The following FRMD3 variants were observed in gnomAD, a reference collection of about 807,000 sequenced individuals.
FRMD3 encodes FERM domain-containing protein 3.
In FRMD3, 33 loss-of-function variants were observed where a neutral mutation model predicts 70.2. The observed-to-expected ratio is 0.47, with a 90% CI of 0.36 to 0.63. The LOEUF (loss-of-function observed/expected upper bound fraction) is 0.63, where lower values mean the gene tolerates loss of function less well. FRMD3 is among the 20% of genes least tolerant of loss of function. The probability of loss-of-function intolerance (pLI) is 0.00; values close to 1 mark genes in which losing one functional copy is unlikely to be tolerated. For synonymous variants in FRMD3, 279 were observed against 255.9 expected (o/e 1.09, Z -0.86); for missense variants, 632 against 711.4 (o/e 0.89, Z 1.27).
At chr9:83,248,563 C>T (rs771398695) in intron 13 of FRMD3, 47 bp from the exon 14 acceptor site, 1 of 1,513,026 alleles carries the variant, frequency 6.6e-7, no homozygotes, top group South Asian at 1.3e-5. Flanking sequence ...TCAGATTTTC[C>T]CACAAAAATC....
intron 5 of FRMD3, among the ~76,000 whole-genome samples, chr9:83,335,938 C>T (rs532403363): frequency 1.4e-4 from 22 of 152,170 alleles, no homozygotes; most frequent in Admixed American, 3.9e-4. Context: ...GAGGGCTGAA[C>T]AATTTTATTA....
At position 83,248,063 on chromosome 9, in the gene FRMD3, A is replaced by G; in HGVS notation, c.1649T>C (p.Leu550Ser). 1.2e-6 allele frequency: 2 copies of G among 1,614,162 alleles called. No individual in the cohort carries two copies. The highest frequency in any genetic ancestry group is 1.7e-6 in the Non-Finnish European group (2 of 1,180,044). The change falls in exon 14 of 14, where the codon TTG (leucine) becomes TCG (serine). Residue 550 changes from leucine to serine, a missense_variant. By Grantham distance (145) the Leu-to-Ser change is moderately radical. Coordinates refer to ENST00000304195, the MANE Select transcript of FRMD3 (RefSeq NM_174938.6). The stretch of plus-strand genomic sequence containing the variant: ...GAAGGAGAGATCAATACCTGACTCC[A>G]AAAGGAGGAGGAGCAGGGGAAATAC... ...LFVFPLLLLL[L>S]ESGIDLSFLC...
intron 1 of FRMD3, among the ~76,000 whole-genome samples, chr9:83,449,569 A>T (rs1587863644): frequency 6.6e-6 from 1 of 152,170 alleles, no homozygotes; most frequent in Non-Finnish European, 1.5e-5. Context: ...TGGGTCCAGA[A>T]CCCAGGCCTC....
chr9:83,410,596 G>C (rs1037678897), intron 1 of FRMD3, among the ~76,000 whole-genome samples: 1 of 152,180 alleles, frequency 6.6e-6, no homozygotes, highest in Non-Finnish European at 1.5e-5. Flanking sequence ...TGAGAATAGT[G>C]CTGTGATGAA....
chr9:83,368,229 T>C (rs1267875737), intron 3 of FRMD3, among the ~76,000 whole-genome samples: 1 of 152,230 alleles, frequency 6.6e-6, no homozygotes, highest in African/African-American at 2.4e-5. Flanking sequence ...CAGCATCCTG[T>C]CTATGTTTGT....
At chr9:83,571,452 G>T in the FRMD3 span, among the ~76,000 whole-genome samples, 1 of 152,186 alleles carries the variant, frequency 6.6e-6, no homozygotes, top group Non-Finnish European at 1.5e-5. Flanking sequence ...CAACCAAAAG[G>T]ATGCAATTGC....
chr9:83,433,036 T>C (rs1827027682), intron 1 of FRMD3, among the ~76,000 whole-genome samples: 1 of 152,222 alleles, frequency 6.6e-6, no homozygotes, highest in Non-Finnish European at 1.5e-5. Context: ...TGGCTTCTAG[T>C]TCCATCCAAG....
intron 1 of FRMD3, among the ~76,000 whole-genome samples, chr9:83,507,306 T>C (rs1213541773): frequency 7.5e-6 from 1 of 132,578 alleles, no homozygotes; most frequent in Non-Finnish European, 1.6e-5. Context: ...GGCAGAGGTT[T>C]CAGTGAGCCA....
chr9:83,264,906 G>A (rs956181075), intron 13 of FRMD3, among the ~76,000 whole-genome samples: 5 of 151,732 alleles, frequency 3.3e-5, no homozygotes, highest in East Asian at 1.9e-4. Flanking sequence ...TAGATACCAC[G>A]TGAAATTGCC....
intron 1 of FRMD3, among the ~76,000 whole-genome samples, chr9:83,442,590 A>C (rs893813082): frequency 6.6e-6 from 1 of 152,048 alleles, no homozygotes; most frequent in African/African-American, 2.4e-5. Context: ...AGGAAAGCCA[A>C]CGTATAAAAT....
chr9:83,377,764 C>T (rs1416006239), intron 2 of FRMD3, among the ~76,000 whole-genome samples: 1 of 152,136 alleles, frequency 6.6e-6, no homozygotes, highest in Non-Finnish European at 1.5e-5. Context: ...CATGAGCCAA[C>T]TAAACCTGTT....
intron 13 of FRMD3, among the ~76,000 whole-genome samples, chr9:83,265,118 C>T (rs1308981620): frequency 2.6e-5 from 4 of 152,020 alleles, no homozygotes; most frequent in Admixed American, 2.0e-4. Context: ...GTGCCCGTGT[C>T]GGCCAGGTGC....
chr9:83,308,535 G>T (rs917770587), intron 10 of FRMD3, among the ~76,000 whole-genome samples: 1 of 152,142 alleles, frequency 6.6e-6, no homozygotes, highest in Non-Finnish European at 1.5e-5. Flanking sequence ...CCTGGATGAG[G>T]TCCAGGGGTG....
intron 1 of FRMD3, among the ~76,000 whole-genome samples, chr9:83,482,721 G>A (rs1264813152): frequency 3.3e-5 from 5 of 152,164 alleles, no homozygotes; most frequent in Non-Finnish European, 7.3e-5. Context: ...TATGTGCCAA[G>A]GGAGAGATGA....
At chr9:83,312,091 T>C in intron 7 of FRMD3, 116 bp from the exon 8 acceptor site, 1 of 733,452 alleles carries the variant, frequency 1.4e-6, no homozygotes, top group Non-Finnish European at 2.2e-6. Context: ...CTAATCCCAA[T>C]GATTGTAGCA....
At chr9:83,282,239 C>T (rs1834001981) in intron 13 of FRMD3, among the ~76,000 whole-genome samples, 1 of 152,148 alleles carries the variant, frequency 6.6e-6, no homozygotes, top group African/African-American at 2.4e-5. Flanking sequence ...ACATTTTCTA[C>T]GAAGGCTTAG....
intron 1 of FRMD3, among the ~76,000 whole-genome samples, chr9:83,502,003 C>T (rs1829079764): frequency 6.6e-6 from 1 of 152,182 alleles, no homozygotes; most frequent in Non-Finnish European, 1.5e-5. Context: ...CCTTTAAGTG[C>T]ATGAATCATT....
At chr9:83,320,165 C>T (rs1397554641) in intron 6 of FRMD3, among the ~76,000 whole-genome samples, 1 of 151,964 alleles carries the variant, frequency 6.6e-6, no homozygotes, top group Non-Finnish European at 1.5e-5. Flanking sequence ...AGTCTGATTG[C>T]TCTAGCAAGG....
the FRMD3 span, among the ~76,000 whole-genome samples, chr9:83,573,960 TA>T: frequency 6.6e-6 from 1 of 152,162 alleles, no homozygotes; most frequent in Non-Finnish European, 1.5e-5. Context: ...AGCGTGTGAT[TA>T]AAAAACAAGG....
Sources: allele counts gnomAD v4.1 joint callset (sites outside exome capture counted in the v4.1 genomes callset), GRCh38; gene constraint gnomAD v4.1.1; transcripts MANE v1.5; gene names NCBI Gene and HGNC (gene_info 2026-07-23, HGNC 2026-07-21).